Variants in AP3B1 observed in about 807,000 individuals in gnomAD.
AP3B1 encodes the protein adaptor related protein complex 3 subunit beta 1.
AP3B1 carries 61 observed loss-of-function variants against 132.5 expected under a neutral mutation model. The observed-to-expected ratio is 0.46, with a 90% CI of 0.37 to 0.57. AP3B1 has a LOEUF of 0.57. AP3B1 is among the 20% of genes least tolerant of loss of function. The probability of loss-of-function intolerance (pLI) is 0.00; values close to 1 mark genes in which losing one functional copy is unlikely to be tolerated. For missense variants in AP3B1, 1,120 were observed against 1,289.4 expected (o/e 0.87, Z 2.01); for synonymous variants, 388 against 438.3 (o/e 0.89, Z 1.43).
intron 13 of AP3B1, among the ~76,000 whole-genome samples, chr5:78,161,689 CAT>C (rs1286474372): frequency 1.3e-5 from 2 of 151,864 alleles, no homozygotes; most frequent in Non-Finnish European, 2.9e-5. Flanking sequence ...TTTTGGTTGG[CAT>C]TTATTTGGAG....
At chr5:78,163,622 T>C (rs1466839531) in intron 12 of AP3B1, among the ~76,000 whole-genome samples, 3 of 145,626 alleles carry the variant, frequency 2.1e-5, no homozygotes, top group Admixed American at 6.9e-5. Flanking sequence ...TGTGTATATA[T>C]AGTATATATA....
At chr5:78,273,646 G>A (rs1293794861) in intron 1 of AP3B1, among the ~76,000 whole-genome samples, 1 of 152,114 alleles carries the variant, frequency 6.6e-6, no homozygotes, top group Non-Finnish European at 1.5e-5. Flanking sequence ...CCTAAGGCAA[G>A]ACTCCAGGAA....
chr5:78,009,233 C>A (rs1378211682), intron 26 of AP3B1, among the ~76,000 whole-genome samples: 1 of 150,180 alleles, frequency 6.7e-6, no homozygotes, highest in African/African-American at 2.5e-5. Flanking sequence ...AGTGGGAGGA[C>A]TGCTTGAGCC....
At chr5:78,199,134 G>C (rs1179767593) in intron 7 of AP3B1, among the ~76,000 whole-genome samples, 1 of 152,146 alleles carries the variant, frequency 6.6e-6, no homozygotes, top group East Asian at 1.9e-4. Context: ...CCTGTGCACA[G>C]TAACTTTGTG....
At chr5:78,220,162 T>C (rs1253470402) in intron 6 of AP3B1, among the ~76,000 whole-genome samples, 1 of 152,054 alleles carries the variant, frequency 6.6e-6, no homozygotes, top group African/African-American at 2.4e-5. Flanking sequence ...GATCCACAAA[T>C]ATCTGTGTAG....
At chr5:78,086,664 T>C (rs921700441) in intron 22 of AP3B1, among the ~76,000 whole-genome samples, 1 of 152,176 alleles carries the variant, frequency 6.6e-6, no homozygotes, top group African/African-American at 2.4e-5. Flanking sequence ...TAGATGTTCG[T>C]AGTAATGAAT....
chr5:78,236,044 AAAAAT>A (rs1746865178), intron 3 of AP3B1, among the ~76,000 whole-genome samples: 1 of 152,212 alleles, frequency 6.6e-6, no homozygotes, highest in Non-Finnish European at 1.5e-5. Flanking sequence ...CATGTTTCAA[AAAAAT>A]AAAATAAACA....
At position 78,164,334 on chromosome 5, in the gene AP3B1, A is replaced by T. The variant is rs549708420; in HGVS notation, c.1230+1276T>A. Among the ~76,000 whole-genome samples the T allele has an allele frequency of 7.9e-5, 12 of 152,226 alleles. No homozygotes were observed. The South Asian group carries it at 2.5e-3, about 32-fold the overall frequency. ...GACTGAAAAATGGACCTTATTAAAC[A>T]TCCTGATATTAAATGAAAAGACTAG... On this transcript the variant is annotated intron_variant, in intron 12 of 26. Coordinates refer to ENST00000255194, the MANE Select transcript of AP3B1 (RefSeq NM_003664.5).
chr5:78,015,602 T>G, intron 25 of AP3B1, 54 bp from the exon 26 acceptor site: 1 of 1,598,336 alleles, frequency 6.3e-7, no homozygotes, highest in Non-Finnish European at 8.5e-7. Flanking sequence ...AAAATTACAT[T>G]TACAGAATTT....
At chr5:78,061,246 G>A (rs952606874) in intron 22 of AP3B1, among the ~76,000 whole-genome samples, 1 of 151,096 alleles carries the variant, frequency 6.6e-6, no homozygotes, top group Non-Finnish European at 1.5e-5. Flanking sequence ...CAGTGAAAAG[G>A]TATTGTTTTC....
At chr5:78,202,603 G>C (rs1284533045) in intron 7 of AP3B1, among the ~76,000 whole-genome samples, 1 of 135,958 alleles carries the variant, frequency 7.4e-6, no homozygotes, top group Non-Finnish European at 1.6e-5. Context: ...ATAAATGCAG[G>C]AGTATGGTAA....
intron 14 of AP3B1, among the ~76,000 whole-genome samples, chr5:78,151,534 A>G (rs887856116): frequency 2.6e-5 from 4 of 152,084 alleles, no homozygotes; most frequent in African/African-American, 9.7e-5. Context: ...TGTTCCTTCT[A>G]TCCCCAGTTT....
At chr5:78,245,648 T>C (rs1432214067) in intron 2 of AP3B1, among the ~76,000 whole-genome samples, 1 of 152,146 alleles carries the variant, frequency 6.6e-6, no homozygotes, top group Non-Finnish European at 1.5e-5. Context: ...GCAGTCCTTC[T>C]CAGTATTCCT....
intron 11 of AP3B1, among the ~76,000 whole-genome samples, chr5:78,172,288 T>C (rs987662362): frequency 1.3e-5 from 2 of 152,208 alleles, no homozygotes; most frequent in African/African-American, 4.8e-5. Flanking sequence ...TCTTTTTCTA[T>C]TGATTGGAAT....
chr5:78,276,342 G>C (rs575724534), intron 1 of AP3B1, among the ~76,000 whole-genome samples: 5 of 152,188 alleles, frequency 3.3e-5, no homozygotes, highest in South Asian at 4.1e-4. Flanking sequence ...TGCTAGGATT[G>C]CAAGTGTGAG....
At chr5:78,113,412 C>T (rs1751677804) in intron 19 of AP3B1, among the ~76,000 whole-genome samples, 1 of 152,090 alleles carries the variant, frequency 6.6e-6, no homozygotes, top group African/African-American at 2.4e-5. Flanking sequence ...TACATAATGG[C>T]AAAGTGTTGA....
intron 1 of AP3B1, among the ~76,000 whole-genome samples, chr5:78,280,006 G>A (rs1748982772): frequency 6.9e-6 from 1 of 145,704 alleles, no homozygotes; most frequent in Non-Finnish European, 1.5e-5. Context: ...CCAGGAGGTT[G>A]AGGCTGCAGT....
At chr5:78,230,371 A>G (rs34858297) in intron 3 of AP3B1, among the ~76,000 whole-genome samples, 50,702 of 151,990 alleles carry the variant, frequency 0.33, 8,549 homozygotes, top group Middle Eastern at 0.43. Flanking sequence ...CATCTTCATC[A>G]TTGATAAATA....
At chr5:78,287,940 T>G (rs1490397017) in intron 1 of AP3B1, among the ~76,000 whole-genome samples, 1 of 152,154 alleles carries the variant, frequency 6.6e-6, no homozygotes, top group Non-Finnish European at 1.5e-5. Flanking sequence ...GATGATCAGA[T>G]GTATAACAGT....
Sources: gnomAD v4.1 joint callset for allele counts (sites outside exome capture counted in the v4.1 genomes callset) on GRCh38, gnomAD v4.1.1 for gene constraint, MANE v1.5 for transcripts, NCBI Gene and HGNC (gene_info 2026-07-23, HGNC 2026-07-21) for gene names.